The following BARD1 variants were observed in gnomAD, a reference collection of about 807,000 sequenced individuals.
BARD1 encodes the protein BRCA1-associated RING domain protein 1.
BARD1 carries 73 observed loss-of-function variants against 77.0 expected under a neutral mutation model. The observed-to-expected ratio is 0.95, with a 90% confidence interval of 0.79 to 1.15. The LOEUF is 1.15. Among genes scored for constraint, BARD1 ranks in the 50% most tolerant of loss-of-function variants. BARD1 has a pLI of 0.00. For synonymous variants in BARD1, 384 were observed against 338.0 expected (o/e 1.14, Z -1.49); for missense variants, 993 against 938.8 (o/e 1.06, Z -0.75).
rs184286645 is a variant in BARD1, at chr2:214,753,068, A to G, written c.1569-513T>C. The stretch of plus-strand genomic sequence containing the variant: ...TGTGTGCATACAATAACCTATAATA[A>G]TCACAACCATCGCAGAACAAAGTAT... On this transcript the variant is annotated intron_variant, in intron 6 of 10. Transcript: ENST00000260947. 9.3e-4 allele frequency among the ~76,000 whole-genome samples: 141 copies of G among 152,338 alleles called. 1 individual carries two copies. The highest frequency in any genetic ancestry group is 3.1e-3 in the African/African-American group (131 of 41,588).
intron 9 of BARD1, among the ~76,000 whole-genome samples, chr2:214,744,038 T>C (rs1223043293): frequency 6.6e-6 from 1 of 152,194 alleles, no homozygotes; most frequent in African/African-American, 2.4e-5. Flanking sequence ...CAAAAAAAGG[T>C]CAATCCACTG....
chr2:214,745,691 T>C (rs1354349715), intron 8 of BARD1, 31 bp downstream of exon 8: 13 of 1,613,284 alleles, frequency 8.1e-6, no homozygotes, highest in Non-Finnish European at 1.1e-5. Flanking sequence ...ACATTTTTTC[T>C]ACCCCACCTC....
intron 4 of BARD1, among the ~76,000 whole-genome samples, chr2:214,780,159 G>A (rs981392672): frequency 1.4e-4 from 22 of 152,138 alleles, no homozygotes; most frequent in Admixed American, 1.3e-3. Flanking sequence ...CCAAATTTTG[G>A]TTGAATTTGG....
intron 1 of BARD1, among the ~76,000 whole-genome samples, chr2:214,801,602 T>C (rs1345473356): frequency 6.6e-6 from 1 of 152,178 alleles, no homozygotes; most frequent in Admixed American, 6.5e-5. Flanking sequence ...TTACAACTAT[T>C]ATTAGCCTAT....
chr2:214,766,529 A>G lies in BARD1; in HGVS notation c.1568+953T>C, dbSNP rs183532228. Among the ~76,000 whole-genome samples, 31 of 152,354 alleles carry G rather than the reference A, an allele frequency of 2.0e-4. No homozygotes were observed. The East Asian group carries it at 5.8e-3, about 28-fold the overall frequency. On this transcript the variant is annotated intron_variant, in intron 6 of 10. Coordinates refer to ENST00000260947, the MANE Select transcript of BARD1 (RefSeq NM_000465.4). ...TTAAATGAAAGCTTCCAAAATTGAC[A>G]ACTGTTTCTGAATTAAGAAAGTAAA... is the stretch of plus-strand genomic sequence containing the variant.
Position 214,726,567 on chromosome 2 carries a change from C to T in BARD1, c.*2109G>A, listed in dbSNP as rs1203817712. On this transcript the variant is annotated 3_prime_UTR_variant, in exon 11 of 11. Coordinates refer to ENST00000260947, the MANE Select transcript of BARD1 (RefSeq NM_000465.4). ...TTTTGTTAGTTAATAGACTTCCTCA[C>T]CAAGTCATGTTGAGCCTCATTCAAC... is the stretch of plus-strand genomic sequence containing the variant. 1.7e-5 allele frequency: 4 copies of T among 228,818 alleles called. No individual in the cohort carries two copies. The highest frequency in any genetic ancestry group is 2.2e-5 in the African/African-American group (1 of 45,102). The allele number at this position is 228,818 out of a possible 1,614,324, so 14.2% of individuals were successfully genotyped here.
At chr2:214,758,297 A>G (rs1259087521) in intron 6 of BARD1, among the ~76,000 whole-genome samples, 1 of 152,214 alleles carries the variant, frequency 6.6e-6, no homozygotes, top group Non-Finnish European at 1.5e-5. Context: ...TATCTATTTT[A>G]CAGGATTGTT....
At chr2:214,792,890 A>G (rs77512218) in intron 2 of BARD1, among the ~76,000 whole-genome samples, 2 of 152,130 alleles carry the variant, frequency 1.3e-5, no homozygotes, top group African/African-American at 4.8e-5. Context: ...TTGGGAAAAG[A>G]TCTTTGACTT....
intron 2 of BARD1, among the ~76,000 whole-genome samples, chr2:214,795,908 C>A (rs1365718248): frequency 6.6e-6 from 1 of 152,112 alleles, no homozygotes. Flanking sequence ...CCATCTCCTA[C>A]CCCCCATCCT....
At chr2:214,744,063 T>C (rs961354962) in intron 9 of BARD1, among the ~76,000 whole-genome samples, 1 of 152,208 alleles carries the variant, frequency 6.6e-6, no homozygotes. Flanking sequence ...ATGTTAGCCA[T>C]AGTATCAAAA....
intron 9 of BARD1, among the ~76,000 whole-genome samples, chr2:214,733,626 A>G (rs552408059): frequency 6.6e-5 from 10 of 152,304 alleles, no homozygotes; most frequent in Admixed American, 1.3e-4. Flanking sequence ...CTTTATTTCA[A>G]TAATCTAATC....
chr2:214,744,033 A>C (rs1324346123), intron 9 of BARD1, among the ~76,000 whole-genome samples: 1 of 152,254 alleles, frequency 6.6e-6, no homozygotes, highest in African/African-American at 2.4e-5. Flanking sequence ...ATAAACAAAA[A>C]AAGGTCAATC....
chr2:214,763,459 G>C (rs1694052224), intron 6 of BARD1, among the ~76,000 whole-genome samples: 1 of 152,154 alleles, frequency 6.6e-6, no homozygotes, highest in African/African-American at 2.4e-5. Context: ...AAGAAAGGAA[G>C]GCATCTAAGA....
intron 9 of BARD1, among the ~76,000 whole-genome samples, chr2:214,740,444 C>T (rs1014263834): frequency 1.3e-5 from 2 of 152,008 alleles, no homozygotes; most frequent in African/African-American, 4.8e-5. Flanking sequence ...AACAGGCACA[C>T]ACTATTTTTA....
chr2:214,740,132 T>G (rs1229439925), intron 9 of BARD1, among the ~76,000 whole-genome samples: 1 of 152,012 alleles, frequency 6.6e-6, no homozygotes, highest in Admixed American at 6.6e-5. Flanking sequence ...ATTAGAAAAC[T>G]CATGCTCAGT....
intron 9 of BARD1, among the ~76,000 whole-genome samples, chr2:214,739,856 C>A (rs556041140): frequency 5.3e-5 from 8 of 151,922 alleles, no homozygotes; most frequent in Non-Finnish European, 1.2e-4. Context: ...AAATATATTT[C>A]TTCACATTAC....
At chr2:214,803,307 G>C (rs1409405618) in intron 1 of BARD1, among the ~76,000 whole-genome samples, 1 of 152,140 alleles carries the variant, frequency 6.6e-6, no homozygotes, top group African/African-American at 2.4e-5. Context: ...CACCCGTAAA[G>C]GGTCTGTGCT....
chr2:214,734,352 A>G (rs953705209), intron 9 of BARD1, among the ~76,000 whole-genome samples: 1 of 152,116 alleles, frequency 6.6e-6, no homozygotes, highest in Non-Finnish European at 1.5e-5. Flanking sequence ...CATCATTAAG[A>G]AAATATGGAA....
rs1429863012 is a variant in BARD1 at position 214,725,844 on chromosome 2, T to C, written c.*2832A>G. On this transcript the variant is annotated 3_prime_UTR_variant, in exon 11 of 11. Transcript: ENST00000260947. The stretch of plus-strand genomic sequence containing the variant: ...GGGTAGGAAACAGAATAGACAATTG[T>C]GACTGTAATGAGGCCCATGAACGTT... 1 of 221,966 alleles carries C rather than the reference T, an allele frequency of 4.5e-6. No individual in the cohort carries two copies. Among genetic ancestry groups the C allele is most frequent in the Non-Finnish European group, 9.0e-6 (1 of 110,920 alleles). 13.7% of individuals were successfully genotyped at this position (221,966 alleles called of 1,614,324 possible). A position where few individuals can be genotyped will look rare whatever the true frequency, so the allele number is the denominator to read the frequency against.
Sources: allele counts gnomAD v4.1 joint callset (sites outside exome capture counted in the v4.1 genomes callset), GRCh38; gene constraint gnomAD v4.1.1; transcripts MANE v1.5; gene names NCBI Gene and HGNC (gene_info 2026-07-23, HGNC 2026-07-21).